Variants in TLN2 observed in about 807,000 individuals in gnomAD.
TLN2 encodes talin-2.
Under a neutral mutation model 294.7 loss-of-function variants are expected in TLN2, and 118 were observed. The ratio of observed to expected loss-of-function variants is 0.40; its 90% CI spans 0.34 to 0.47. TLN2 has a LOEUF of 0.47. Ranked by LOEUF, TLN2 falls within the 20% of genes least tolerant of loss-of-function variation. The pLI is 0.84. For synonymous variants in TLN2, 1,431 were observed against 1,304.5 expected (o/e 1.10, Z -2.09); for missense variants, 3,083 against 3,282.2 (o/e 0.94, Z 1.48).
intron 55 of TLN2, 168 bp downstream of exon 55, chr15:62,833,797 C>G: frequency 1.1e-6 from 1 of 908,286 alleles, no homozygotes; most frequent in Admixed American, 3.2e-5. Flanking sequence ...AGCCTTCAGA[C>G]CAACAGAATA....
Position 62,796,264 on chromosome 15 carries a change from A to G in TLN2, c.6021A>G (p.Ala2007=), listed in dbSNP as rs1290747670. 6.2e-7 allele frequency: 1 copy of G among 1,614,192 alleles called. No homozygotes were observed. Residue 2007 remains alanine (A), a synonymous_variant, in exon 47 of 59, where the codon GCA becomes GCG. Coordinates refer to ENST00000636159, the MANE Select transcript of TLN2 (RefSeq NM_015059.3). ...IMFATAGTLN[A]ENSETFADHR... ...TTGCAACAGCGGGGACGCTGAATGC[A>G]GAGAACAGTGAGACCTTCGCAGACC...
At position 62,753,769 on chromosome 15, in the gene TLN2, C is replaced by A; in HGVS notation, c.4333-4C>A. 3 of 1,603,074 alleles carry A rather than the reference C, an allele frequency of 1.9e-6. No homozygotes were observed. The highest frequency in any genetic ancestry group is 2.6e-6 in the Non-Finnish European group (3 of 1,174,992). On this transcript the variant is annotated splice_polypyrimidine_tract_variant and splice_region_variant and intron_variant, in intron 35 of 58. Transcript: ENST00000636159. ...GAGCTGTGGTTTTTCTCTTCCCTTT[C>A]TAGGCTGCATACTTGGTTGGCATCT...
At chr15:62,519,098 C>G (rs1028938175) in intron 1 of TLN2, among the ~76,000 whole-genome samples, 3 of 152,144 alleles carry the variant, frequency 2.0e-5, no homozygotes, top group African/African-American at 7.2e-5. Flanking sequence ...GCAACTTGCC[C>G]AGGGTCATAG....
rs116883893 is a variant in TLN2 at position 62,736,524 on chromosome 15, T to C, written c.3359-354T>C. Among the ~76,000 whole-genome samples, 654 of 152,122 alleles carry C rather than the reference T, an allele frequency of 4.3e-3. 4 individuals carry two copies. Among genetic ancestry groups the C allele is most frequent in the Admixed American group, 8.4e-3 (129 of 15,286 alleles). On this transcript the variant is annotated intron_variant, in intron 28 of 58. Transcript: ENST00000636159. ...CCAGAAAGGCAATTGAGAAGAAAGG[T>C]GCTTTTAAATGGCCTCCCGCAAACA...
chr15:62,732,044 A>C (rs2060758709), intron 28 of TLN2, among the ~76,000 whole-genome samples: 1 of 152,208 alleles, frequency 6.6e-6, no homozygotes, highest in Non-Finnish European at 1.5e-5. Flanking sequence ...TCAGAGCAGA[A>C]TTGACACTTA....
intron 2 of TLN2, among the ~76,000 whole-genome samples, chr15:62,615,107 A>C (rs1416805854): frequency 1.3e-5 from 2 of 152,162 alleles, no homozygotes; most frequent in African/African-American, 4.8e-5. Flanking sequence ...CGCCTGGCCT[A>C]GTTTGGGGTT....
intron 34 of TLN2, among the ~76,000 whole-genome samples, chr15:62,751,733 G>T (rs563872799): frequency 6.6e-6 from 1 of 152,228 alleles, no homozygotes. Flanking sequence ...TGTACAGGAT[G>T]CATGACCACT....
At chr15:62,698,121 C>T (rs1358153523) in intron 15 of TLN2, among the ~76,000 whole-genome samples, 3 of 152,182 alleles carry the variant, frequency 2.0e-5, no homozygotes, top group African/African-American at 4.8e-5. Context: ...ACTCTGCTCC[C>T]GTGTCCTGGC....
At chr15:62,419,850 C>T (rs2034293395) in intron 1 of TLN2, among the ~76,000 whole-genome samples, 3 of 152,146 alleles carry the variant, frequency 2.0e-5, no homozygotes, top group Non-Finnish European at 4.4e-5. Context: ...ATCTCAAACT[C>T]CTGGGCTCAA....
At chr15:62,503,258 T>C (rs181239317) in intron 1 of TLN2, among the ~76,000 whole-genome samples, 2 of 152,322 alleles carry the variant, frequency 1.3e-5, no homozygotes, top group Non-Finnish European at 2.9e-5. Context: ...GTGAAACCAA[T>C]GCACCTACCC....
At chr15:62,645,395 C>T (rs1354532544) in intron 3 of TLN2, 6 of 152,198 alleles carry the variant, frequency 3.9e-5, no homozygotes, top group Admixed American at 3.9e-4. Flanking sequence ...CCTTTCTCAA[C>T]TAAGGAATAG....
chr15:62,468,897 A>G (rs967857641), intron 1 of TLN2, among the ~76,000 whole-genome samples: 1 of 152,232 alleles, frequency 6.6e-6, no homozygotes, highest in Non-Finnish European at 1.5e-5. Flanking sequence ...CTTGAGAGAG[A>G]TAAGGCCAGG....
At chr15:62,718,267 C>T (rs184420346) in intron 24 of TLN2, among the ~76,000 whole-genome samples, 1 of 152,226 alleles carries the variant, frequency 6.6e-6, no homozygotes, top group Non-Finnish European at 1.5e-5. Flanking sequence ...AGGGAGTTGA[C>T]TCCCCCAGGG....
intron 54 of TLN2, chr15:62,823,882 A>G: frequency 2.1e-6 from 1 of 465,582 alleles, no homozygotes; most frequent in Non-Finnish European, 4.4e-6. Context: ...TTGCTGCAAA[A>G]GTGACCACCC....
chr15:62,807,256 G>A (rs913162552), intron 51 of TLN2, among the ~76,000 whole-genome samples: 1 of 152,124 alleles, frequency 6.6e-6, no homozygotes, highest in Non-Finnish European at 1.5e-5. Context: ...TGCATGCATT[G>A]TGGTGTACAC....
At position 62,755,701 on chromosome 15, in the gene TLN2, GC is replaced by G. The variant is rs1595888819; in HGVS notation, c.4638+9del. 3 of 1,613,902 alleles carry G rather than the reference GC, an allele frequency of 1.9e-6. No homozygotes were observed. In the African/African-American group the frequency reaches 4.0e-5, roughly 22 times the overall value. On this transcript the variant is annotated intron_variant, in intron 37 of 58. Coordinates refer to ENST00000636159, the MANE Select transcript of TLN2 (RefSeq NM_015059.3). ...CTGGTGAAGACCATCAAGGTAGGTCGCTGGACTACCGGCCTTATTGAACTCT... is the reference window on the plus strand; with the variant it reads ...CTGGTGAAGACCATCAAGGTAGGTCGTGGACTACCGGCCTTATTGAACTCT...
chr15:62,415,373 C>T (rs1595753256), intron 1 of TLN2, among the ~76,000 whole-genome samples: 1 of 142,204 alleles, frequency 7.0e-6, no homozygotes, highest in East Asian at 3.4e-4. Flanking sequence ...CACCTGTGTT[C>T]AGCTGGCTGC....
intron 25 of TLN2, among the ~76,000 whole-genome samples, chr15:62,720,674 TG>T: frequency 6.6e-6 from 1 of 152,246 alleles, no homozygotes; most frequent in East Asian, 1.9e-4. Flanking sequence ...TGTGTGTGTG[TG>T]TGTGTGTATT....
intron 2 of TLN2, among the ~76,000 whole-genome samples, chr15:62,614,904 C>G (rs1020378330): frequency 6.6e-6 from 1 of 152,142 alleles, no homozygotes; most frequent in Non-Finnish European, 1.5e-5. Context: ...CTCCCAGGTT[C>G]AAGCGATTCT....
Sources: allele counts gnomAD v4.1 joint callset (sites outside exome capture counted in the v4.1 genomes callset), GRCh38; gene constraint gnomAD v4.1.1; transcripts MANE v1.5; gene names NCBI Gene and HGNC (gene_info 2026-07-23, HGNC 2026-07-21).